Variants in SMARCA4 observed in about 807,000 individuals in gnomAD.
SMARCA4 encodes the protein SWI/SNF related BAF chromatin remodeling complex subunit ATPase 4.
SMARCA4 carries 31 observed loss-of-function variants against 193.9 expected under a neutral mutation model. That is an observed-to-expected ratio of 0.16 (90% CI 0.12 to 0.22). The LOEUF is 0.22. Among genes scored for constraint, SMARCA4 ranks in the 10% least tolerant of loss-of-function variants. The pLI is 1.00. For missense variants in SMARCA4, 1,148 were observed against 2,296.0 expected, an observed-to-expected ratio of 0.50 and a Z score of 10.22; for synonymous variants, 942 against 933.1, an observed-to-expected ratio of 1.01 and a Z score of -0.17.
At chr19:11,009,506 T>G (rs888658312) in intron 14 of SMARCA4, among the ~76,000 whole-genome samples, 9 of 152,098 alleles carry the variant, frequency 5.9e-5, no homozygotes, top group Non-Finnish European at 1.3e-4. Context: ...CTTTCTGTGC[T>G]GTGGCAAGTG....
rs149787934 is a variant in SMARCA4, at chr19:11,056,717, C to T, written c.4425-1538C>T. ...TGTGTAACGTCTGCATCTCAGGAGGCTCTCATGTTAGAAGCTGGGTCAGGG... is the reference window on the plus strand; with the variant it reads ...TGTGTAACGTCTGCATCTCAGGAGGTTCTCATGTTAGAAGCTGGGTCAGGG... On this transcript the variant is annotated intron_variant, in intron 30 of 34. Coordinates refer to ENST00000344626, the MANE Select transcript of SMARCA4 (RefSeq NM_003072.5). Among the ~76,000 whole-genome samples the T allele has an allele frequency of 3.3e-4, 50 of 152,284 alleles. 1 individual carries two copies. Among genetic ancestry groups the T allele is most frequent in the African/African-American group, 1.2e-3 (49 of 41,568 alleles).
rs910321163 is a variant in SMARCA4, at chr19:11,019,343, G to C, written c.2506-248G>C. 3 of 605,696 alleles carry C rather than the reference G, an allele frequency of 5.0e-6. No homozygotes were observed. The highest frequency in any genetic ancestry group is 2.8e-5 in the Admixed American group (1 of 35,752). 37.5% of individuals were successfully genotyped at this position (605,696 alleles called of 1,614,324 possible). On this transcript the variant is annotated intron_variant, in intron 17 of 34. Transcript: ENST00000344626. This position sits in a 1 kb window ranked among gnomAD's most constrained non-coding sequence, Gnocchi z 6.1. ...CAGGAATGTGCAGATGGCGGTGCAG[G>C]CTGCGTGGTTCCCTCAGGCCCCGGC...
intron 1 of SMARCA4, among the ~76,000 whole-genome samples, chr19:10,972,954 C>G (rs570109280): frequency 6.6e-6 from 1 of 152,080 alleles, no homozygotes; most frequent in African/African-American, 2.4e-5. Flanking sequence ...ACAAAAAATA[C>G]GAAAATTAGC....
chr19:11,008,463 C>T (rs746210754), intron 14 of SMARCA4: 1 of 317,518 alleles, frequency 3.1e-6, no homozygotes, highest in Non-Finnish European at 6.2e-6. Context: ...ACTGAACCTT[C>T]CCTCTTGGAG....
chr19:10,987,940 A>G lies in SMARCA4; in HGVS notation c.1118+16A>G, dbSNP rs2145823621. Reference sequence around the variant, plus strand: ...GCGAGTACAGGTGAGGGCGGGGCCCAGTTGCCAAGGTCACTGCCCTGTGTC... The same window carrying G: ...GCGAGTACAGGTGAGGGCGGGGCCCGGTTGCCAAGGTCACTGCCCTGTGTC... On this transcript the variant is annotated intron_variant, in intron 6 of 34. Coordinates refer to ENST00000344626, the MANE Select transcript of SMARCA4 (RefSeq NM_003072.5). This position sits in a 1 kb window ranked among gnomAD's most constrained non-coding sequence, Gnocchi z 5.3. The G allele has an allele frequency of 6.2e-7, 1 of 1,611,504 alleles. No homozygotes were observed.
chr19:11,012,007 A>G (rs535207748), intron 15 of SMARCA4: 4 of 152,272 alleles, frequency 2.6e-5, no homozygotes, highest in African/African-American at 7.2e-5. Context: ...CCCCATCTCT[A>G]TAAAACAATA....
rs2146601395 is a variant in SMARCA4, at chr19:11,030,836, G to A, written c.3489G>A (p.Leu1163=). The A allele has an allele frequency of 6.2e-7, 1 of 1,609,040 alleles. No individual in the cohort carries two copies. Among genetic ancestry groups the A allele is most frequent in the Non-Finnish European group, 8.5e-7 (1 of 1,178,012 alleles). ...GCACCCGGGCTGGGGGGCTCGGCCTGAACCTCCAGTCGGCAGACACTGTGA... is the reference window on the plus strand; with the variant it reads ...GCACCCGGGCTGGGGGGCTCGGCCTAAACCTCCAGTCGGCAGACACTGTGA... The part of the protein sequence containing the change: ...LLSTRAGGLG[L]NLQSADTVII... The change falls in exon 25 of 35, where the codon CTG becomes CTA. Residue 1163 remains leucine (L), a synonymous_variant. Coordinates refer to ENST00000344626, the MANE Select transcript of SMARCA4 (RefSeq NM_003072.5). This position sits in a 1 kb window ranked among gnomAD's most constrained non-coding sequence, Gnocchi z 5.5.
At chr19:11,045,939 A>G (rs563389918) in intron 30 of SMARCA4, among the ~76,000 whole-genome samples, 1 of 151,864 alleles carries the variant, frequency 6.6e-6, no homozygotes, top group East Asian at 1.9e-4. Flanking sequence ...GAAGAAAAAA[A>G]AAGTCTGGGT....
rs375884151 is a variant in SMARCA4, at chr19:10,984,271, C to G, written c.120C>G (p.His40Gln). Reference sequence around the variant, plus strand: ...CGGGTCCCTCGCCGGGCTCCGCCCACAGCATGATGGGGCCCAGCCCAGGGC... The same window carrying G: ...CGGGTCCCTCGCCGGGCTCCGCCCAGAGCATGATGGGGCCCAGCCCAGGGC... ...PSPGPSPGSA[H>Q]SMMGPSPGPP... The change falls in exon 2 of 35, where the codon CAC (histidine) becomes CAG (glutamine). Residue 40 changes from histidine to glutamine, a missense_variant. His to Gln is a conservative substitution (Grantham distance 24). Coordinates refer to ENST00000344626, the MANE Select transcript of SMARCA4 (RefSeq NM_003072.5). The surrounding 1 kb of genome is among the most constrained non-coding windows in gnomAD (Gnocchi z 4.3). 3.7e-6 allele frequency: 6 copies of G among 1,611,176 alleles called. No homozygotes were observed. The highest frequency in any genetic ancestry group is 5.1e-6 in the Non-Finnish European group (6 of 1,179,184).
chr19:11,059,032 T>C (rs966005023), intron 32 of SMARCA4, 143 bp downstream of exon 32: 2 of 691,764 alleles, frequency 2.9e-6, no homozygotes, highest in South Asian at 3.3e-5. Context: ...CCCAGCACTT[T>C]GGGAGGCCAA....
chr19:11,013,628 C>A (rs529514488), intron 16 of SMARCA4, among the ~76,000 whole-genome samples: 1 of 152,180 alleles, frequency 6.6e-6, no homozygotes, highest in South Asian at 2.1e-4. Flanking sequence ...GTCCCTCTCC[C>A]GGGATGTCCT....
intron 34 of SMARCA4, among the ~76,000 whole-genome samples, chr19:11,061,204 AATATATATATATATATATATAT>A (rs55894159): frequency 6.6e-5 from 3 of 45,222 alleles, no homozygotes; most frequent in African/African-American, 2.3e-4. Flanking sequence ...AAAAAAAAAA[AATATATATATATATATATATAT>A]ATATATATAT....
Position 11,058,387 on chromosome 19 carries a change from C to G in SMARCA4, c.4533+24C>G, listed in dbSNP as rs773896673. 1 of 1,496,422 alleles carries G rather than the reference C, an allele frequency of 6.7e-7. No homozygotes were observed. Among genetic ancestry groups the G allele is most frequent in the African/African-American group, 1.4e-5 (1 of 72,738 alleles). 92.7% of individuals were successfully genotyped at this position (1,496,422 alleles called of 1,614,324 possible). ...AGGTAACCCTGACGTTGTACCTGCGCCCCGCATGTGCCCGGAGGGGAGTCT... is the reference window on the plus strand; with the variant it reads ...AGGTAACCCTGACGTTGTACCTGCGGCCCGCATGTGCCCGGAGGGGAGTCT... On this transcript the variant is annotated intron_variant, in intron 31 of 34. Transcript: ENST00000344626. This position sits in a 1 kb window ranked among gnomAD's most constrained non-coding sequence, Gnocchi z 5.8.
chr19:10,986,289 C>A lies in SMARCA4; in HGVS notation c.456C>A (p.Ala152=), dbSNP rs1555753110. The change falls in exon 4 of 35, where the codon GCC becomes GCA. Residue 152 remains alanine, a synonymous_variant. Coordinates refer to ENST00000344626, the MANE Select transcript of SMARCA4 (RefSeq NM_003072.5). The surrounding 1 kb of genome is among the most constrained non-coding windows in gnomAD (Gnocchi z 6.7). ...AGATGTCTTCCGGGCCAGGAGGTGC[C>A]CCGCTGGATGGTGCTGACCCCCAGG... The part of the protein sequence containing the change: ...GPQMSSGPGG[A]PLDGADPQAL... 8 of 1,613,828 alleles carry A rather than the reference C, an allele frequency of 5.0e-6. No individual in the cohort carries two copies. Among genetic ancestry groups the A allele is most frequent in the Non-Finnish European group, 6.8e-6 (8 of 1,180,002 alleles).
At chr19:11,027,698 C>A (rs1000593085) in intron 23 of SMARCA4, 86 bp from the exon 24 acceptor site, 3 of 1,461,182 alleles carry the variant, frequency 2.1e-6, no homozygotes, top group Non-Finnish European at 2.9e-6. Flanking sequence ...GGCCTGGAGG[C>A]GGGCGATGCA....
Position 11,003,676 on chromosome 19 carries a change from A to G in SMARCA4, c.2001+279A>G, listed in dbSNP as rs12983316. Among the ~76,000 whole-genome samples the G allele has an allele frequency of 0.12, 18,595 of 151,490 alleles. 1,438 individuals carry two copies. The highest frequency in any genetic ancestry group is 0.19 in the Admixed American group (2,912 of 15,204). ...ACTGGCTGCATTTCAGGTGCTTGGC[A>G]TCCCTTATCTGGGAATGGTCTGCCT... On this transcript the variant is annotated intron_variant, in intron 13 of 34. Coordinates refer to ENST00000344626, the MANE Select transcript of SMARCA4 (RefSeq NM_003072.5).
In SMARCA4 at chr19:11,034,900, T is replaced by C. The variant is rs553124418; in HGVS notation, c.3952-14T>C. The stretch of plus-strand genomic sequence containing the variant: ...GCATGCTGATGCCTCTCCCGTTGCC[T>C]CCCTGCCCACCAGCGCATGGACCTG... On this transcript the variant is annotated splice_polypyrimidine_tract_variant and intron_variant, in intron 28 of 34. Transcript: ENST00000344626. The surrounding 1 kb of genome is among the most constrained non-coding windows in gnomAD (Gnocchi z 7.0). The C allele has an allele frequency of 1.3e-6, 2 of 1,546,696 alleles. No individual in the cohort carries two copies. Among genetic ancestry groups the C allele is most frequent in the East Asian group, 2.4e-5 (1 of 41,408 alleles).
At position 10,996,357 on chromosome 19, in the gene SMARCA4, A is replaced by C. The variant is rs913763719; in HGVS notation, c.1738A>C (p.Lys580Gln). 6.2e-7 allele frequency: 1 copy of C among 1,614,084 alleles called. No individual in the cohort carries two copies. Among genetic ancestry groups the C allele is most frequent in the Non-Finnish European group, 8.5e-7 (1 of 1,180,032 alleles). Residue 580 changes from lysine (K) to glutamine (Q), a missense_variant, in exon 10 of 35, where the codon AAA (lysine) becomes CAA (glutamine). By Grantham distance (53) the Lys-to-Gln change is moderately conservative. Around this residue, in one of 17 missense-constraint regions of SMARCA4, gnomAD observed 115 missense variants for 175.1 expected, o/e 0.66. Transcript: ENST00000344626. ...QHKAAQVAKE[K>Q]KKKKKKKKAE... ...CAAGGCTGCCCAGGTCGCCAAGGAGAAAAAGAAGAAAAAGAAAAAGAAGGT... is the reference window on the plus strand; with the variant it reads ...CAAGGCTGCCCAGGTCGCCAAGGAGCAAAAGAAGAAAAAGAAAAAGAAGGT...
At chr19:11,057,168 G>A (rs1392836627) in intron 30 of SMARCA4, among the ~76,000 whole-genome samples, 1 of 152,204 alleles carries the variant, frequency 6.6e-6, no homozygotes, top group East Asian at 1.9e-4. Context: ...CTTCCTCTGG[G>A]CCAAAGCAGA....
Sources: allele counts gnomAD v4.1 joint callset (sites outside exome capture counted in the v4.1 genomes callset), GRCh38; gene constraint gnomAD v4.1.1; regional missense constraint gnomAD v4.1.1; non-coding constraint Gnocchi (gnomAD v3.1); transcripts MANE v1.5; gene names NCBI Gene and HGNC (gene_info 2026-07-23, HGNC 2026-07-21).